The following SLC24A1 variants were observed in gnomAD, a reference collection of about 807,000 sequenced individuals.
The protein encoded by SLC24A1 is sodium/potassium/calcium exchanger 1.
Under a neutral mutation model 88.1 loss-of-function variants are expected in SLC24A1, and 52 were observed. The observed-to-expected ratio is 0.59, with a 90% CI of 0.47 to 0.74. The LOEUF (loss-of-function observed/expected upper bound fraction) is 0.74, where lower values mean the gene tolerates loss of function less well. SLC24A1 is among the 30% of genes least tolerant of loss of function. The probability of loss-of-function intolerance (pLI) is 0.00; values close to 1 mark genes in which losing one functional copy is unlikely to be tolerated. For missense variants in SLC24A1, 1,173 were observed against 1,363.3 expected, an observed-to-expected ratio of 0.86 and a Z score of 2.20; for synonymous variants, 455 against 498.0, an observed-to-expected ratio of 0.91 and a Z score of 1.15.
chr15:65,620,161 G>A (rs2074274592), upstream of SLC24A1, among the ~76,000 whole-genome samples: 1 of 151,812 alleles, frequency 6.6e-6, no homozygotes, highest in African/African-American at 2.4e-5. Flanking sequence ...GCCAAGCACT[G>A]TTCTGGGCTC....
intron 3 of SLC24A1, among the ~76,000 whole-genome samples, chr15:65,639,016 A>G (rs1010301295): frequency 1.3e-5 from 2 of 152,202 alleles, no homozygotes; most frequent in African/African-American, 4.8e-5. Flanking sequence ...AAAAAAAACC[A>G]AAACAAAACT....
At chr15:65,614,117 G>C (rs1225982470) in intron 2 of SLC24A1, among the ~76,000 whole-genome samples, 2 of 152,074 alleles carry the variant, frequency 1.3e-5, no homozygotes, top group Non-Finnish European at 2.9e-5. Flanking sequence ...TTCAAACATA[G>C]ACAAAGATAG....
At chr15:65,647,868 T>C (rs911985922) in intron 6 of SLC24A1, among the ~76,000 whole-genome samples, 1 of 151,872 alleles carries the variant, frequency 6.6e-6, no homozygotes, top group Non-Finnish European at 1.5e-5. Context: ...CCTGGTTGCA[T>C]ATTAGAATAA....
upstream of SLC24A1, among the ~76,000 whole-genome samples, chr15:65,619,569 C>T (rs1227024302): frequency 6.6e-6 from 1 of 151,766 alleles, no homozygotes; most frequent in Non-Finnish European, 1.5e-5. Context: ...ATAAAATTTG[C>T]GACGCTTTCA....
chr15:65,624,292 A>AGAT lies in SLC24A1; in HGVS notation c.224_226dup (p.Met75dup), dbSNP rs756442926. The AGAT allele has an allele frequency of 1.1e-5, 17 of 1,613,646 alleles. No individual in the cohort carries two copies. In the Admixed American group the frequency reaches 2.3e-4, roughly 22 times the overall value. On this transcript the variant is annotated inframe_insertion, in exon 2 of 10. Coordinates refer to ENST00000261892, the MANE Select transcript of SLC24A1 (RefSeq NM_004727.3). ...GCCAGTCGGGACCTCTCCAGTGAAG[A>AGAT]GATGATGATGATGAGCAGCAGCCCT...
chr15:65,656,119 T>C lies in SLC24A1; in HGVS notation c.*2040T>C, dbSNP rs927721327. 11 of 985,426 alleles carry C rather than the reference T, an allele frequency of 1.1e-5. No homozygotes were observed. Among genetic ancestry groups the C allele is most frequent in the Middle Eastern group, 5.2e-4 (1 of 1,914 alleles). 61.0% of individuals were successfully genotyped at this position (985,426 alleles called of 1,614,324 possible). A position where few individuals can be genotyped will look rare whatever the true frequency, so the allele number is the denominator to read the frequency against. On this transcript the variant is annotated 3_prime_UTR_variant, in exon 10 of 10. Transcript: ENST00000261892. ...TGTCTGCAGCCCGTTCCCGTTAGCC[T>C]CGGGGATGTCACCTCACCCACAGCC...
rs752702615 is a variant in SLC24A1, at chr15:65,651,709, A to G, written c.2833A>G (p.Ile945Val). 2.5e-6 allele frequency: 4 copies of G among 1,611,218 alleles called. No homozygotes were observed. Among genetic ancestry groups the G allele is most frequent in the East Asian group, 2.2e-5 (1 of 44,870 alleles). The change falls in exon 8 of 10, where the codon ATC becomes GTC. Residue 945 changes from isoleucine (I) to valine (V), a missense_variant. Transcript: ENST00000261892. ...KFFVFTFLGS[I>V]MWIAMFSYLM... ...TTTTGTTTTCACCTTCCTGGGATCT[A>G]TCATGTGGATAGCCATGTTCTCATA...
At position 65,655,206 on chromosome 15, in the gene SLC24A1, G is replaced by A. The variant is rs2075640609; in HGVS notation, c.*1127G>A. The A allele has an allele frequency of 7.1e-6, 7 of 986,868 alleles. No homozygotes were observed. Among genetic ancestry groups the A allele is most frequent in the Non-Finnish European group, 7.2e-6 (6 of 830,926 alleles). 61.1% of individuals were successfully genotyped at this position (986,868 alleles called of 1,614,324 possible). A position where few individuals can be genotyped will look rare whatever the true frequency, so the allele number is the denominator to read the frequency against. On this transcript the variant is annotated 3_prime_UTR_variant, in exon 10 of 10. Transcript: ENST00000261892. Reference sequence around the variant, plus strand: ...ATGACAGTTGAGTGGAGTGGGAAGGGAAGTCATTCTAAAGAGTCCAAAGTC... The same window carrying A: ...ATGACAGTTGAGTGGAGTGGGAAGGAAAGTCATTCTAAAGAGTCCAAAGTC...
chr15:65,649,921 C>T (rs1176615571), intron 6 of SLC24A1, among the ~76,000 whole-genome samples: 2 of 152,154 alleles, frequency 1.3e-5, no homozygotes, highest in African/African-American at 2.4e-5. Context: ...ATGCCCTCCT[C>T]CTGGGATATA....
At chr15:65,613,531 G>A (rs1457593779) in intron 2 of SLC24A1, among the ~76,000 whole-genome samples, 3 of 151,322 alleles carry the variant, frequency 2.0e-5, no homozygotes, top group Non-Finnish European at 2.9e-5. Flanking sequence ...CACCCAGGCT[G>A]GAGTGCAGTG....
chr15:65,652,809 G>A lies in SLC24A1; in HGVS notation c.3050+1G>A. On this transcript the variant is annotated splice_donor_variant, in intron 9 of 9. Transcript: ENST00000261892. LOFTEE classifies it high-confidence loss of function. The stretch of plus-strand genomic sequence containing the variant: ...GTAACATATTTGATATCACTGTGGG[G>A]TGAGTGGCAATGTAACTTTCTAAGG... The A allele has an allele frequency of 1.9e-6, 3 of 1,593,420 alleles. No homozygotes were observed. Among genetic ancestry groups the A allele is most frequent in the South Asian group, 1.1e-5 (1 of 88,960 alleles).
chr15:65,637,110 T>A (rs186634579), intron 2 of SLC24A1, among the ~76,000 whole-genome samples: 16 of 151,458 alleles, frequency 1.1e-4, no homozygotes, highest in East Asian at 1.9e-4. Context: ...GTGCTTTTTT[T>A]AAAAAAAAAG....
intron 4 of SLC24A1, chr15:65,642,930 A>C: frequency 1.8e-6 from 2 of 1,081,892 alleles, no homozygotes; most frequent in Non-Finnish European, 2.5e-6. Flanking sequence ...TGTATTATGG[A>C]CTAGATGATC....
intron 6 of SLC24A1, among the ~76,000 whole-genome samples, chr15:65,648,514 C>A (rs1442339357): frequency 1.3e-5 from 2 of 151,076 alleles, no homozygotes; most frequent in Non-Finnish European, 3.0e-5. Flanking sequence ...CTGAGTCTTG[C>A]TCTGTCGCCT....
At position 65,654,240 on chromosome 15, in the gene SLC24A1, G is replaced by A; in HGVS notation, c.*161G>A. ...TGATCTGAGACTAAAGTTTGTCCTT[G>A]GAAACACCTGCAGCTCATTGTGGAT... On this transcript the variant is annotated 3_prime_UTR_variant, in exon 10 of 10. Coordinates refer to ENST00000261892, the MANE Select transcript of SLC24A1 (RefSeq NM_004727.3). The A allele has an allele frequency of 7.0e-7, 1 of 1,418,534 alleles. No homozygotes were observed. The allele number at this position is 1,418,534 out of a possible 1,614,324, so 87.9% of individuals were successfully genotyped here.
chr15:65,644,562 G>C (rs1321608405), intron 5 of SLC24A1, 49 bp downstream of exon 5: 1 of 1,321,912 alleles, frequency 7.6e-7, no homozygotes, highest in Admixed American at 2.0e-5. Context: ...CCCTCTCCCT[G>C]CTGTCAGTAG....
intron 2 of SLC24A1, among the ~76,000 whole-genome samples, chr15:65,628,370 T>A (rs559311540): frequency 4.5e-4 from 69 of 152,180 alleles, no homozygotes; most frequent in Non-Finnish European, 8.8e-4. Flanking sequence ...GGGGAAATAA[T>A]TTTTGTGCCT....
chr15:65,659,530 GTCTC>G (rs2075792952), downstream of SLC24A1: 1 of 151,402 alleles, frequency 6.6e-6, no homozygotes, highest in Non-Finnish European at 1.5e-5. Flanking sequence ...TAGAGACAGG[GTCTC>G]TCTATGTTGC....
At chr15:65,622,792 A>G (rs1314727286) in intron 1 of SLC24A1, among the ~76,000 whole-genome samples, 1 of 148,644 alleles carries the variant, frequency 6.7e-6, no homozygotes, top group East Asian at 2.0e-4. Flanking sequence ...CTCAGGCTGG[A>G]GTGCAATGGT....
Sources: gnomAD v4.1 joint callset for allele counts (sites outside exome capture counted in the v4.1 genomes callset) on GRCh38, gnomAD v4.1.1 for gene constraint, MANE v1.5 for transcripts, NCBI Gene and HGNC (gene_info 2026-07-23, HGNC 2026-07-21) for gene names.